The following PROS1 variants were observed in gnomAD, a reference collection of about 807,000 sequenced individuals.
PROS1 encodes the protein vitamin K-dependent protein S.
Under a neutral mutation model 75.9 loss-of-function variants are expected in PROS1, and 29 were observed. That is an observed-to-expected ratio of 0.38 (90% CI 0.28 to 0.52). The LOEUF (loss-of-function observed/expected upper bound fraction) is 0.52. Ranked by LOEUF, PROS1 falls within the 20% of genes least tolerant of loss-of-function variation. PROS1 has a pLI of 0.83. For synonymous variants in PROS1, 245 were observed against 280.6 expected (o/e 0.87, Z 1.27); for missense variants, 680 against 810.3 (o/e 0.84, Z 1.95).
intron 9 of PROS1, 48 bp downstream of exon 9, chr3:93,896,528 C>G (rs771106807): frequency 1.4e-6 from 2 of 1,392,896 alleles, no homozygotes; most frequent in Non-Finnish European, 2.0e-6. Context: ...TTTCTTCTGC[C>G]CTTATCTGCT....
At chr3:93,880,239 G>A (rs558549391) in intron 12 of PROS1, among the ~76,000 whole-genome samples, 2 of 152,162 alleles carry the variant, frequency 1.3e-5, no homozygotes, top group East Asian at 3.9e-4. Context: ...TATAGACCGG[G>A]TACGGTGGCA....
At chr3:93,967,185 G>C (rs1228182724) in intron 1 of PROS1, among the ~76,000 whole-genome samples, 4 of 152,158 alleles carry the variant, frequency 2.6e-5, no homozygotes, top group Non-Finnish European at 5.9e-5. Context: ...CTGCAGGATT[G>C]CTATTCCTCG....
rs377702842 is a variant in PROS1, at chr3:93,972,847, TCAAA to T, written c.76+823_76+826del. On this transcript the variant is annotated intron_variant, in intron 1 of 14. Coordinates refer to ENST00000394236, the MANE Select transcript of PROS1 (RefSeq NM_000313.4). Reference sequence around the variant, plus strand: ...CTGGGCAGCAGAGCGAGACTCACCCTCAAACAAACAAACAAAAAGGCGTTTTTAT... The same window carrying T: ...CTGGGCAGCAGAGCGAGACTCACCCTCAAACAAACAAAAAGGCGTTTTTAT... 4.9e-4 allele frequency among the ~76,000 whole-genome samples: 75 copies of T among 152,188 alleles called. 1 individual carries two copies. In the South Asian group the frequency reaches 0.014, roughly 28 times the overall value.
At chr3:93,962,821 T>C (rs957775472) in intron 1 of PROS1, among the ~76,000 whole-genome samples, 3 of 152,230 alleles carry the variant, frequency 2.0e-5, no homozygotes, top group African/African-American at 7.2e-5. Flanking sequence ...GAAGTTGTTA[T>C]GTACCTGAGT....
chr3:93,971,391 ATAAATAAATAAT>A (rs1194581236), intron 1 of PROS1, among the ~76,000 whole-genome samples: 1 of 133,270 alleles, frequency 7.5e-6, no homozygotes, highest in Non-Finnish European at 1.7e-5. Context: ...AAATAAATAA[ATAAATAAATAAT>A]TCTAAATAAA....
intron 1 of PROS1, among the ~76,000 whole-genome samples, chr3:93,967,282 G>A (rs1709806525): frequency 6.6e-6 from 1 of 152,232 alleles, no homozygotes; most frequent in Non-Finnish European, 1.5e-5. Flanking sequence ...TCATGGAGGA[G>A]CAGCATAGGT....
At chr3:93,960,456 G>A (rs1350430122) in intron 1 of PROS1, among the ~76,000 whole-genome samples, 8 of 150,114 alleles carry the variant, frequency 5.3e-5, no homozygotes, top group Non-Finnish European at 1.0e-4. Context: ...GATTACAGCC[G>A]TGAGCCACCG....
chr3:93,890,799 C>T (rs943682123), intron 10 of PROS1, among the ~76,000 whole-genome samples: 6 of 152,166 alleles, frequency 3.9e-5, no homozygotes, highest in African/African-American at 9.6e-5. Context: ...GATGACCTCA[C>T]ATGACTTCTC....
chr3:93,908,789 A>C (rs1236678586), intron 4 of PROS1, among the ~76,000 whole-genome samples: 1 of 152,226 alleles, frequency 6.6e-6, no homozygotes, highest in Non-Finnish European at 1.5e-5. Context: ...CAAACCTCAA[A>C]AGATTTGTTT....
In PROS1 at chr3:93,925,705, T is replaced by C. The variant is rs769237680; in HGVS notation, c.235-1441A>G. On this transcript the variant is annotated intron_variant, in intron 2 of 14. Coordinates refer to ENST00000394236, the MANE Select transcript of PROS1 (RefSeq NM_000313.4). The stretch of plus-strand genomic sequence containing the variant: ...CAGGTGTGGGGCTGCACACCTGTAG[T>C]CTCAGCGACACAGGAGGCTGAGACG... 2.4e-4 allele frequency among the ~76,000 whole-genome samples: 36 copies of C among 150,822 alleles called. 1 individual carries two copies. Among genetic ancestry groups the C allele is most frequent in the Admixed American group, 3.3e-4 (5 of 15,078 alleles).
chr3:93,955,864 A>G (rs955333828), intron 1 of PROS1, among the ~76,000 whole-genome samples: 11 of 152,232 alleles, frequency 7.2e-5, no homozygotes, highest in African/African-American at 2.7e-4. Context: ...TAAGTTGGCT[A>G]TATCTACAGA....
chr3:93,954,558 C>T (rs1056952180), intron 1 of PROS1, among the ~76,000 whole-genome samples: 3 of 152,120 alleles, frequency 2.0e-5, no homozygotes, highest in African/African-American at 7.2e-5. Context: ...TTCCTTACAC[C>T]TTATACAAAA....
At chr3:93,933,392 T>C (rs1709134614) in intron 1 of PROS1, among the ~76,000 whole-genome samples, 2 of 151,814 alleles carry the variant, frequency 1.3e-5, no homozygotes, top group South Asian at 2.1e-4. Flanking sequence ...CTGGGCATCA[T>C]AGGGAAACAC....
intron 1 of PROS1, among the ~76,000 whole-genome samples, chr3:93,965,281 T>G (rs923104006): frequency 5.9e-5 from 9 of 152,370 alleles, no homozygotes; most frequent in African/African-American, 1.9e-4. Context: ...CGTCCACAAC[T>G]GCTGTTTGCC....
At chr3:93,963,036 T>C (rs1429900483) in intron 1 of PROS1, among the ~76,000 whole-genome samples, 3 of 152,234 alleles carry the variant, frequency 2.0e-5, no homozygotes, top group Non-Finnish European at 4.4e-5. Context: ...CAATGATCCA[T>C]CAGATCCAAT....
intron 1 of PROS1, among the ~76,000 whole-genome samples, chr3:93,965,332 C>T (rs538001535): frequency 3.3e-5 from 5 of 152,344 alleles, no homozygotes; most frequent in African/African-American, 1.2e-4. Context: ...CCTCCGGATC[C>T]GGAAGGGTGT....
At chr3:93,886,297 A>C in intron 11 of PROS1, 39 bp downstream of exon 11, 1 of 1,573,640 alleles carries the variant, frequency 6.4e-7, no homozygotes, top group East Asian at 2.2e-5. Context: ...AGACAAAAGG[A>C]ACTCATCCAT....
intron 1 of PROS1, among the ~76,000 whole-genome samples, chr3:93,964,071 T>C (rs1709748593): frequency 1.3e-5 from 2 of 152,240 alleles, no homozygotes; most frequent in Admixed American, 1.3e-4. Flanking sequence ...CTCTTAATCC[T>C]GTTATCTTCC....
At chr3:93,938,800 C>A (rs142570290) in intron 1 of PROS1, among the ~76,000 whole-genome samples, 1 of 152,052 alleles carries the variant, frequency 6.6e-6, no homozygotes, top group Non-Finnish European at 1.5e-5. Context: ...ACTGTGGGGA[C>A]GCCTGCCTGA....
Sources: gnomAD v4.1 joint callset for allele counts (sites outside exome capture counted in the v4.1 genomes callset) on GRCh38, gnomAD v4.1.1 for gene constraint, MANE v1.5 for transcripts, NCBI Gene and HGNC (gene_info 2026-07-23, HGNC 2026-07-21) for gene names.